The following HPCAL1 variants were observed in gnomAD, a reference collection of about 807,000 sequenced individuals.
The protein encoded by HPCAL1 is hippocalcin like 1.
A neutral mutation model predicts 17.1 loss-of-function variants in HPCAL1; 8 were observed. The ratio of observed to expected loss-of-function variants is 0.47; its 90% confidence interval spans 0.27 to 0.84. HPCAL1 has a LOEUF of 0.84. HPCAL1 is among the 40% of genes least tolerant of loss of function. HPCAL1 has a pLI of 0.13. For missense variants in HPCAL1, 165 were observed against 271.1 expected (o/e 0.61, Z 2.75); for synonymous variants, 112 against 111.4 (o/e 1.01, Z -0.03).
chr2:10,331,063 TC>T lies in HPCAL1; in HGVS notation c.-111+27887del, dbSNP rs1664339584. Among the ~76,000 whole-genome samples the T allele has an allele frequency of 6.6e-6, 1 of 152,168 alleles. No homozygotes were observed. The highest frequency in any genetic ancestry group is 1.5e-5 in the Non-Finnish European group (1 of 68,030). On this transcript the variant is annotated intron_variant, in intron 1 of 4. Transcript: ENST00000307845. The surrounding 1 kb of genome is among the most constrained non-coding windows in gnomAD (Gnocchi z 5.0). ...TCCTCATCCCGCCTCTCGCTCCATC[TC>T]GTGGCCTCCCATCTGCTCTCCCGGC...
intron 2 of HPCAL1, among the ~76,000 whole-genome samples, chr2:10,418,558 T>C (rs1019504059): frequency 2.0e-5 from 3 of 151,836 alleles, no homozygotes; most frequent in African/African-American, 7.3e-5. Flanking sequence ...AGCTGGTGCC[T>C]ACTGTTTAGA....
At chr2:10,417,995 T>C (rs1370549377) in intron 2 of HPCAL1, among the ~76,000 whole-genome samples, 1 of 151,728 alleles carries the variant, frequency 6.6e-6, no homozygotes, top group South Asian at 2.1e-4. Context: ...TGAGTCATGA[T>C]CACACACTGC....
intron 1 of HPCAL1, among the ~76,000 whole-genome samples, chr2:10,380,941 C>T (rs11684532): frequency 0.18 from 27,450 of 152,204 alleles, 3,186 homozygotes; most frequent in East Asian, 0.49. Context: ...TTTGAATAAG[C>T]GAAAGAGTGC....
intron 1 of HPCAL1, among the ~76,000 whole-genome samples, chr2:10,326,688 G>C (rs533428208): frequency 1.2e-4 from 19 of 152,300 alleles, no homozygotes; most frequent in Admixed American, 2.6e-4. Context: ...AGGGATTTCT[G>C]TCCAGCGCCC....
At chr2:10,355,756 C>T (rs1666116698) in intron 1 of HPCAL1, among the ~76,000 whole-genome samples, 4 of 152,080 alleles carry the variant, frequency 2.6e-5, no homozygotes, top group Admixed American at 2.6e-4. Flanking sequence ...AGATTAGGCT[C>T]CACAGAGATG....
intron 1 of HPCAL1, among the ~76,000 whole-genome samples, chr2:10,346,549 GT>G (rs900447927): frequency 9.2e-5 from 14 of 152,304 alleles, no homozygotes; most frequent in African/African-American, 3.1e-4. Flanking sequence ...CATTTTTGTT[GT>G]GAGCCAGTCA....
At chr2:10,403,805 A>G in intron 2 of HPCAL1, among the ~76,000 whole-genome samples, 1 of 151,886 alleles carries the variant, frequency 6.6e-6, no homozygotes, top group East Asian at 1.9e-4. Flanking sequence ...TTATCCGTTC[A>G]TTACAAACGC....
At chr2:10,371,518 C>G (rs1667206883) in intron 1 of HPCAL1, among the ~76,000 whole-genome samples, 1 of 152,110 alleles carries the variant, frequency 6.6e-6, no homozygotes, top group East Asian at 1.9e-4. Context: ...CCTGGGGGTC[C>G]TGCAGAGTCC....
At position 10,395,119 on chromosome 2, in the gene HPCAL1, C is replaced by T. The variant is rs1170162529; in HGVS notation, c.-110-1716C>T. On this transcript the variant is annotated intron_variant, in intron 1 of 4. Transcript: ENST00000307845. The surrounding 1 kb of genome is among the most constrained non-coding windows in gnomAD (Gnocchi z 4.4). ...GCCTAAAATCTATCTTTAAAACACA[C>T]ACACACACACACACACACACACACA... Among the ~76,000 whole-genome samples the T allele has an allele frequency of 6.5e-5, 6 of 92,548 alleles. No homozygotes were observed. In the South Asian group the frequency reaches 2.1e-3, roughly 32 times the overall value. The allele number at this position is 92,548 out of a possible 152,430, so 60.7% of individuals were successfully genotyped here.
rs972132213 is a variant in HPCAL1, at chr2:10,359,875, G to A, written c.-110-36960G>A. On this transcript the variant is annotated intron_variant, in intron 1 of 4. Coordinates refer to ENST00000307845, the MANE Select transcript of HPCAL1 (RefSeq NM_002149.4). The surrounding 1 kb of genome is among the most constrained non-coding windows in gnomAD (Gnocchi z 4.1). ...CCCTCAGCTTCCACACTCTGAACCT[G>A]CCTCCTGCCTCCTTCCACAGTGCCC... is the stretch of plus-strand genomic sequence containing the variant. 2.6e-5 allele frequency among the ~76,000 whole-genome samples: 4 copies of A among 151,616 alleles called. No homozygotes were observed. Among genetic ancestry groups the A allele is most frequent in the African/African-American group, 9.8e-5 (4 of 40,960 alleles).
intron 1 of HPCAL1, among the ~76,000 whole-genome samples, chr2:10,309,040 A>C (rs1442377287): frequency 6.7e-6 from 1 of 149,416 alleles, no homozygotes; most frequent in Non-Finnish European, 1.5e-5. Context: ...TTCTTAACAA[A>C]CTTTTTTTTT....
intron 1 of HPCAL1, among the ~76,000 whole-genome samples, chr2:10,389,213 A>G (rs1572788196): frequency 2.0e-5 from 3 of 152,182 alleles, no homozygotes; most frequent in South Asian, 4.1e-4. Flanking sequence ...CCCTTTTCCT[A>G]GAAATTTCTG....
chr2:10,379,049 C>T (rs769822929), intron 1 of HPCAL1, among the ~76,000 whole-genome samples: 3 of 152,044 alleles, frequency 2.0e-5, no homozygotes, highest in East Asian at 1.9e-4. Context: ...TATTTGCGGT[C>T]GGGTGCGGTC....
At position 10,342,130 on chromosome 2, in the gene HPCAL1, G is replaced by A. The variant is rs922743308; in HGVS notation, c.-111+38953G>A. Among the ~76,000 whole-genome samples, 6 of 151,932 alleles carry A rather than the reference G, an allele frequency of 3.9e-5. No homozygotes were observed. In the East Asian group the frequency reaches 7.7e-4, roughly 20 times the overall value. ...GGCTACAGTGAGCTCTGATTGTGCC[G>A]CTGTGCTCCAGCCTGGTGACAGAGT... On this transcript the variant is annotated intron_variant, in intron 1 of 4. Coordinates refer to ENST00000307845, the MANE Select transcript of HPCAL1 (RefSeq NM_002149.4). The surrounding 1 kb of genome is among the most constrained non-coding windows in gnomAD (Gnocchi z 4.1).
chr2:10,306,965 G>A (rs1029460684), intron 1 of HPCAL1, among the ~76,000 whole-genome samples: 2 of 152,182 alleles, frequency 1.3e-5, no homozygotes, highest in African/African-American at 4.8e-5. Context: ...GGGGCTGTGT[G>A]CCTTTACCTT....
rs557601513 is a variant in HPCAL1, at chr2:10,373,525, C to T, written c.-110-23310C>T. The stretch of plus-strand genomic sequence containing the variant: ...TAGAAACTGGAGATTGGGTGCTCAG[C>T]GGATCTCAGGATAGATGATATCAGA... On this transcript the variant is annotated intron_variant, in intron 1 of 4. Transcript: ENST00000307845. Among the ~76,000 whole-genome samples the T allele has an allele frequency of 1.5e-4, 23 of 152,084 alleles. No individual in the cohort carries two copies. The South Asian group carries it at 2.5e-3, about 16-fold the overall frequency.
chr2:10,320,069 T>C (rs1033540122), intron 1 of HPCAL1, among the ~76,000 whole-genome samples: 2 of 152,050 alleles, frequency 1.3e-5, no homozygotes, highest in Non-Finnish European at 2.9e-5. Flanking sequence ...CCAGTCTTGC[T>C]TGGGGTTGCC....
chr2:10,318,854 C>T (rs1487195837), intron 1 of HPCAL1, among the ~76,000 whole-genome samples: 1 of 152,170 alleles, frequency 6.6e-6, no homozygotes, highest in Non-Finnish European at 1.5e-5. Flanking sequence ...TGTTCCTATC[C>T]TGCTACCCTC....
chr2:10,404,149 G>T lies in HPCAL1; in HGVS notation c.-25+7229G>T, dbSNP rs116291202. Among the ~76,000 whole-genome samples the T allele has an allele frequency of 3.0e-3, 459 of 152,232 alleles. 6 individuals carry two copies. Among genetic ancestry groups the T allele is most frequent in the African/African-American group, 0.01 (430 of 41,556 alleles). On this transcript the variant is annotated intron_variant, in intron 2 of 4. Coordinates refer to ENST00000307845, the MANE Select transcript of HPCAL1 (RefSeq NM_002149.4). ...AGCAGGGACAAGTTACTTGCTGGTG[G>T]TGGTCTCCCCAAAAGTTTGGGCCTG...
Sources: allele counts gnomAD v4.1 joint callset (sites outside exome capture counted in the v4.1 genomes callset), GRCh38; gene constraint gnomAD v4.1.1; non-coding constraint Gnocchi (gnomAD v3.1); transcripts MANE v1.5; gene names NCBI Gene and HGNC (gene_info 2026-07-23, HGNC 2026-07-21).